The following ATXN2 variants were observed in gnomAD, a reference collection of about 807,000 sequenced individuals.
ATXN2 encodes ataxin-2.
ATXN2 carries 37 observed loss-of-function variants against 138.6 expected under a neutral mutation model. The observed-to-expected ratio is 0.27, with a 90% CI of 0.21 to 0.35. ATXN2 has a LOEUF of 0.35. ATXN2 is among the 10% of genes least tolerant of loss of function. ATXN2 has a pLI of 1.00. For synonymous variants in ATXN2, 549 were observed against 543.7 expected, an observed-to-expected ratio of 1.01 and a Z score of -0.13; for missense variants, 1,216 against 1,480.3, an observed-to-expected ratio of 0.82 and a Z score of 2.93.
At chr12:111,476,539 CA>C (rs1876827083) in intron 18 of ATXN2, among the ~76,000 whole-genome samples, 1 of 151,202 alleles carries the variant, frequency 6.6e-6, no homozygotes, top group Non-Finnish European at 1.5e-5. Context: ...CTGCCAGAAA[CA>C]GTGGGTTTAC....
chr12:111,582,401 C>T, intron 1 of ATXN2, among the ~76,000 whole-genome samples: 1 of 151,306 alleles, frequency 6.6e-6, no homozygotes. Context: ...AGAAATTGCA[C>T]CACGCACTGC....
At chr12:111,452,882 C>A in intron 24 of ATXN2, 42 bp from the exon 25 acceptor site, 1 of 1,601,554 alleles carries the variant, frequency 6.2e-7, no homozygotes, top group South Asian at 1.1e-5. Context: ...AAACTGGCAA[C>A]ACCACACATC....
intron 22 of ATXN2, 34 bp from the exon 23 acceptor site, chr12:111,456,290 C>G: frequency 1.2e-6 from 2 of 1,609,956 alleles, no homozygotes; most frequent in Non-Finnish European, 1.7e-6. Flanking sequence ...GAGAGGAAAA[C>G]TTCTTTAATG....
At chr12:111,483,284 A>C (rs533178237) in intron 18 of ATXN2, among the ~76,000 whole-genome samples, 18 of 151,994 alleles carry the variant, frequency 1.2e-4, no homozygotes, top group Admixed American at 8.5e-4. Context: ...TAATTCAGGA[A>C]AAATGAAAAC....
rs566225431 is a variant in ATXN2, at chr12:111,469,671, C to T, written c.2842+437G>A. ...TAGAAACATAGTATTATCATTATAA[C>T]AAACAGCAAAAAAAATATGTAATGC... On this transcript the variant is annotated intron_variant, in intron 20 of 24. Coordinates refer to ENST00000673436, the MANE Select transcript of ATXN2 (RefSeq NM_001372574.1). 35 of 174,908 alleles carry T rather than the reference C, an allele frequency of 2.0e-4. No individual in the cohort carries two copies. In the South Asian group the frequency reaches 6.5e-3, roughly 33 times the overall value. The allele number at this position is 174,908 out of a possible 1,614,324, so 10.8% of individuals were successfully genotyped here.
chr12:111,506,670 G>A (rs1053831329), intron 14 of ATXN2, among the ~76,000 whole-genome samples: 25 of 62,230 alleles, frequency 4.0e-4, no homozygotes, highest in Non-Finnish European at 6.8e-4. Context: ...TTCTCCCCAC[G>A]GTCTCCCTCT....
chr12:111,488,925 AC>A, intron 14 of ATXN2, 145 bp from the exon 15 acceptor site: 1 of 722,714 alleles, frequency 1.4e-6, no homozygotes. Context: ...TAATGCTTTT[AC>A]TATAAACTAA....
At chr12:111,467,683 G>A (rs1210180129) in intron 20 of ATXN2, among the ~76,000 whole-genome samples, 1 of 152,160 alleles carries the variant, frequency 6.6e-6, no homozygotes, top group Admixed American at 6.5e-5. Flanking sequence ...CTGGACATTA[G>A]ATCTAGTGCT....
At chr12:111,580,542 G>A (rs368290791) in intron 1 of ATXN2, among the ~76,000 whole-genome samples, 34 of 150,708 alleles carry the variant, frequency 2.3e-4, no homozygotes, top group East Asian at 7.8e-4. Flanking sequence ...ACAACGGAAC[G>A]GGAGGTGGGT....
intron 18 of ATXN2, chr12:111,482,850 G>A (rs1012232386): frequency 2.0e-5 from 3 of 151,316 alleles, no homozygotes; most frequent in Admixed American, 1.3e-4. Context: ...AAAAAAAATA[G>A]CATACTGAGA....
intron 1 of ATXN2, among the ~76,000 whole-genome samples, chr12:111,593,710 A>G: frequency 6.6e-6 from 1 of 152,208 alleles, no homozygotes; most frequent in Admixed American, 6.6e-5. Context: ...AACTAAACTA[A>G]TTAGGTAAAA....
chr12:111,584,188 C>T (rs148901316), intron 1 of ATXN2, among the ~76,000 whole-genome samples: 1 of 151,632 alleles, frequency 6.6e-6, no homozygotes, highest in African/African-American at 2.4e-5. Flanking sequence ...TCAAGACTAG[C>T]CTGAACAACA....
At chr12:111,487,649 AG>A (rs1390213768) in intron 15 of ATXN2, among the ~76,000 whole-genome samples, 1 of 151,768 alleles carries the variant, frequency 6.6e-6, no homozygotes, top group Non-Finnish European at 1.5e-5. Flanking sequence ...TAGTACAGAC[AG>A]GGTTTCACAT....
intron 1 of ATXN2, chr12:111,581,527 C>T (rs1884002781): frequency 6.9e-6 from 7 of 1,007,918 alleles, no homozygotes; most frequent in African/African-American, 1.6e-5. Context: ...CCATCCACAG[C>T]GAGAACTCCG....
rs139904070 is a variant in ATXN2, at chr12:111,575,624, G to A, written c.252-19705C>T. 1.2e-4 allele frequency among the ~76,000 whole-genome samples: 19 copies of A among 152,168 alleles called. No homozygotes were observed. The East Asian group carries it at 3.3e-3, about 26-fold the overall frequency. ...CTGCCTAGTCTATACTACCACATAA[G>A]CTCCAAAAAGAGAGAGACCTCATCT... On this transcript the variant is annotated intron_variant, in intron 1 of 24. Transcript: ENST00000673436.
At chr12:111,525,686 A>G (rs1051999006) in intron 5 of ATXN2, among the ~76,000 whole-genome samples, 1 of 139,516 alleles carries the variant, frequency 7.2e-6, no homozygotes, top group Non-Finnish European at 1.6e-5. Context: ...CACACGAAGC[A>G]TTTTTTTTTT....
Position 111,598,991 on chromosome 12 carries a change from T to G in ATXN2, c.44A>C (p.Gln15Pro), listed in dbSNP as rs1566091148. Residue 15 changes from glutamine to proline, a missense_variant, in exon 1 of 25, where the codon CAG becomes CCG. Around this residue, in one of 4 missense-constraint regions of ATXN2, gnomAD observed 110 missense variants for 88.7 expected, o/e 1.24. Coordinates refer to ENST00000673436, the MANE Select transcript of ATXN2 (RefSeq NM_001372574.1). The surrounding 1 kb of genome is among the most constrained non-coding windows in gnomAD (Gnocchi z 4.5). ...PQQQQQQQQQ[Q>P]QQQQQQQQQQ... ...CTGCTGCTGCTGTTGCTGCTGCTGC[T>G]GCTGCTGCTGCTGCTGCTGCTGCTG... The G allele has an allele frequency of 6.8e-7, 1 of 1,472,562 alleles. No individual in the cohort carries two copies. Among genetic ancestry groups the G allele is most frequent in the Non-Finnish European group, 9.0e-7 (1 of 1,114,438 alleles). 91.2% of individuals were successfully genotyped at this position (1,472,562 alleles called of 1,614,324 possible). A position where few individuals can be genotyped will look rare whatever the true frequency, so the allele number is the denominator to read the frequency against.
intron 21 of ATXN2, among the ~76,000 whole-genome samples, chr12:111,460,337 G>C (rs111530545): frequency 7.2e-5 from 11 of 152,322 alleles, no homozygotes; most frequent in African/African-American, 2.6e-4. Context: ...GCCTCCCAAA[G>C]TGCTGGGACT....
At chr12:111,524,165 T>C (rs988429737) in intron 6 of ATXN2, among the ~76,000 whole-genome samples, 35 of 152,368 alleles carry the variant, frequency 2.3e-4, no homozygotes, top group African/African-American at 8.2e-4. Context: ...TTAGGTTATA[T>C]ATGATTTGTT....
Sources: gnomAD v4.1 joint callset for allele counts (sites outside exome capture counted in the v4.1 genomes callset) on GRCh38, gnomAD v4.1.1 for gene constraint, gnomAD v4.1.1 regional missense constraint, Gnocchi (gnomAD v3.1) non-coding constraint, MANE v1.5 for transcripts, NCBI Gene and HGNC (gene_info 2026-07-23, HGNC 2026-07-21) for gene names.